The following ZNF69 variants were observed in gnomAD, a reference collection of about 807,000 sequenced individuals.
The protein encoded by ZNF69 is ZNF3.
In ZNF69, 47 loss-of-function variants were observed where a neutral mutation model predicts 50.9. That is an observed-to-expected ratio of 0.92 (90% CI 0.73 to 1.18). The LOEUF is 1.18. ZNF69 is among the 50% of genes most tolerant of loss of function. The pLI is 0.00. For missense variants in ZNF69, 717 were observed against 675.1 expected (o/e 1.06, Z -0.69); for synonymous variants, 216 against 223.1 (o/e 0.97, Z 0.29).
chr19:11,899,552 C>T (rs948949890), intron 1 of ZNF69, among the ~76,000 whole-genome samples: 3 of 152,154 alleles, frequency 2.0e-5, no homozygotes, highest in African/African-American at 7.2e-5. Context: ...GAGTTCCCAG[C>T]ACACGGGAGA....
At chr19:11,964,032 C>CGG in the ZNF69 span, among the ~76,000 whole-genome samples, 1 of 152,222 alleles carries the variant, frequency 6.6e-6, no homozygotes, top group African/African-American at 2.4e-5. Flanking sequence ...ACTGATCAGT[C>CGG]GGGTGAGAAG....
intron 1 of ZNF69, among the ~76,000 whole-genome samples, chr19:11,902,229 G>A (rs986147858): frequency 7.3e-5 from 11 of 151,364 alleles, no homozygotes; most frequent in Non-Finnish European, 1.5e-4. Context: ...TGATCTGCCC[G>A]CCTCAGTCTT....
the ZNF69 span, chr19:11,949,854 T>C: frequency 6.2e-7 from 1 of 1,613,860 alleles, no homozygotes; most frequent in Non-Finnish European, 8.5e-7. Flanking sequence ...TTCGAAAGCA[T>C]GGTAGGACTC....
intron 1 of ZNF69, among the ~76,000 whole-genome samples, chr19:11,898,945 A>G (rs1972186238): frequency 6.6e-6 from 1 of 152,244 alleles, no homozygotes; most frequent in Admixed American, 6.5e-5. Context: ...GAAGAAGCCA[A>G]TGTTATTATT....
the ZNF69 span, among the ~76,000 whole-genome samples, chr19:11,923,164 G>A: frequency 3.4e-3 from 521 of 152,314 alleles, no homozygotes; most frequent in Non-Finnish European, 5.9e-3. Context: ...GAGTTCTGCA[G>A]CAGTTTATTC....
exon 5 of ZNF69, chr19:11,913,795 G>A (rs1972493325): frequency 6.2e-6 from 1 of 160,180 alleles, no homozygotes; most frequent in Non-Finnish European, 1.4e-5. Flanking sequence ...CAGCAAGTGT[G>A]TAATATACCA....
chr19:11,946,092 T>C, the ZNF69 span, among the ~76,000 whole-genome samples: 1 of 152,288 alleles, frequency 6.6e-6, no homozygotes, highest in African/African-American at 2.4e-5. Context: ...CTGAGCCTGG[T>C]CCCCCTTAGT....
chr19:11,911,235 C>G (rs1568282940), downstream of ZNF69, among the ~76,000 whole-genome samples: 1 of 152,204 alleles, frequency 6.6e-6, no homozygotes, highest in Non-Finnish European at 1.5e-5. Flanking sequence ...GGACTGTAAA[C>G]TAGTTCAACC....
At chr19:11,945,691 C>T in the ZNF69 span, among the ~76,000 whole-genome samples, 2 of 151,996 alleles carry the variant, frequency 1.3e-5, no homozygotes, top group South Asian at 2.1e-4. Context: ...TGACCTGGCT[C>T]GGTTAAGAAA....
intron 2 of ZNF69, 92 bp from the exon 3 acceptor site, chr19:11,903,813 G>T: frequency 6.2e-7 from 1 of 1,605,332 alleles, no homozygotes; most frequent in Non-Finnish European, 8.5e-7. Context: ...AATAAATGAG[G>T]TATGGCTGCA....
chr19:11,917,845 T>C (rs1465917873), downstream of ZNF69, among the ~76,000 whole-genome samples: 2 of 147,802 alleles, frequency 1.4e-5, no homozygotes, highest in Non-Finnish European at 3.0e-5. Flanking sequence ...TGGAGTGCAG[T>C]GGCAGGATCT....
chr19:11,917,311 G>C (rs1002895953), downstream of ZNF69, among the ~76,000 whole-genome samples: 6 of 152,232 alleles, frequency 3.9e-5, no homozygotes, highest in Non-Finnish European at 7.3e-5. Context: ...TGAGCGAGTG[G>C]TCTTTGGTGG....
the ZNF69 span, among the ~76,000 whole-genome samples, chr19:11,937,839 T>A: frequency 3.3e-5 from 5 of 152,240 alleles, no homozygotes; most frequent in South Asian, 1.0e-3. Flanking sequence ...TGGAATCTTC[T>A]CTTGTATAGT....
At position 11,913,015 on chromosome 19, in the gene ZNF69, G is replaced by A. The variant is rs574345083; in HGVS notation, c.449-394G>A. On this transcript the variant is annotated intron_variant, in intron 4 of 4. Coordinates refer to the ZNF69 transcript ENST00000340180. ...GATCGAGACCATCCTGGTTAACATGGTGAAACCCTGTCTCTACTAAAAATA... is the reference window on the plus strand; with the variant it reads ...GATCGAGACCATCCTGGTTAACATGATGAAACCCTGTCTCTACTAAAAATA... Among the ~76,000 whole-genome samples the A allele has an allele frequency of 2.1e-3, 319 of 152,222 alleles. 2 individuals carry two copies. Among genetic ancestry groups the A allele is most frequent in the African/African-American group, 7.1e-3 (297 of 41,550 alleles).
chr19:11,935,131 G>C, the ZNF69 span, among the ~76,000 whole-genome samples: 270 of 125,198 alleles, frequency 2.2e-3, 4 homozygotes, highest in Middle Eastern at 0.013. Flanking sequence ...GGCCGAGATG[G>C]CACCACTGCA....
chr19:11,929,454 C>T, the ZNF69 span, among the ~76,000 whole-genome samples: 2 of 148,408 alleles, frequency 1.3e-5, 1 homozygote, highest in Non-Finnish European at 2.9e-5. Context: ...TGAACCACTG[C>T]GCCCGGCCTG....
At chr19:11,916,455 A>C (rs1972522841), downstream of ZNF69, among the ~76,000 whole-genome samples, 1 of 152,138 alleles carries the variant, frequency 6.6e-6, no homozygotes, top group Admixed American at 6.5e-5. Context: ...TCTCTATGAA[A>C]AATATAAAAA....
chr19:11,964,151 C>G, the ZNF69 span, among the ~76,000 whole-genome samples: 1 of 152,196 alleles, frequency 6.6e-6, no homozygotes, highest in Admixed American at 6.5e-5. Flanking sequence ...GGGGTCTTCC[C>G]GGGCAGCCCG....
chr19:11,904,443 A>T (rs1421399779), intron 3 of ZNF69, among the ~76,000 whole-genome samples: 2 of 152,204 alleles, frequency 1.3e-5, no homozygotes, highest in Admixed American at 1.3e-4. Flanking sequence ...GAGTATTAAG[A>T]AGCCCCATAT....
Sources: allele counts gnomAD v4.1 joint callset (sites outside exome capture counted in the v4.1 genomes callset), GRCh38; gene constraint gnomAD v4.1.1; transcripts MANE v1.5; gene names NCBI Gene and HGNC (gene_info 2026-07-23, HGNC 2026-07-21).